Variants in SLC44A3 observed in about 807,000 individuals in gnomAD.
The protein encoded by SLC44A3 is solute carrier family 44 member 3.
SLC44A3 carries 74 observed loss-of-function variants against 75.4 expected under a neutral mutation model. The ratio of observed to expected loss-of-function variants is 0.98; its 90% CI spans 0.81 to 1.19. The LOEUF is 1.19. Ranked by LOEUF, SLC44A3 falls within the 50% of genes most tolerant of loss-of-function variation. SLC44A3 has a pLI of 0.00. For synonymous variants in SLC44A3, 310 were observed against 296.9 expected, an observed-to-expected ratio of 1.04 and a Z score of -0.45; for missense variants, 700 against 778.6, an observed-to-expected ratio of 0.90 and a Z score of 1.20.
chr1:94,860,101 T>C (rs956811072), intron 10 of SLC44A3, among the ~76,000 whole-genome samples: 3 of 151,884 alleles, frequency 2.0e-5, no homozygotes, highest in African/African-American at 7.3e-5. Context: ...GAGATCAAAA[T>C]GAACAAATAA....
intron 3 of SLC44A3, among the ~76,000 whole-genome samples, chr1:94,825,065 C>T (rs141915911): frequency 2.6e-5 from 4 of 152,124 alleles, no homozygotes; most frequent in African/African-American, 7.2e-5. Context: ...ATTGTTTCTA[C>T]GTGGAAATAC....
At chr1:94,825,516 A>G (rs1022910231) in intron 3 of SLC44A3, among the ~76,000 whole-genome samples, 2 of 151,978 alleles carry the variant, frequency 1.3e-5, no homozygotes, top group Non-Finnish European at 2.9e-5. Context: ...TTTTTAGTAG[A>G]GACGGGGTTT....
At chr1:94,850,311 A>C (rs895274807) in intron 9 of SLC44A3, among the ~76,000 whole-genome samples, 6 of 152,188 alleles carry the variant, frequency 3.9e-5, no homozygotes, top group African/African-American at 1.4e-4. Context: ...CTAAAATCCA[A>C]TAGGAAAAAG....
intron 9 of SLC44A3, among the ~76,000 whole-genome samples, chr1:94,853,862 A>AT (rs34191139): frequency 0.62 from 89,646 of 145,612 alleles, 27,722 homozygotes; most frequent in East Asian, 0.84. Context: ...CCTCTCTCTG[A>AT]TTTTTTTTTT....
At chr1:94,830,151 G>A in intron 5 of SLC44A3, among the ~76,000 whole-genome samples, 1 of 152,190 alleles carries the variant, frequency 6.6e-6, no homozygotes, top group East Asian at 1.9e-4. Flanking sequence ...AATACTCCAT[G>A]TTGTAAGTAA....
chr1:94,834,947 G>C (rs943204512), intron 5 of SLC44A3, among the ~76,000 whole-genome samples: 3 of 152,166 alleles, frequency 2.0e-5, no homozygotes, highest in Admixed American at 6.5e-5. Flanking sequence ...AGGTGATCAA[G>C]GTCAACTTCA....
chr1:94,868,944 G>C (rs1011762903), intron 12 of SLC44A3, among the ~76,000 whole-genome samples: 5 of 152,368 alleles, frequency 3.3e-5, no homozygotes, highest in African/African-American at 7.2e-5. Flanking sequence ...CATTAGGAGG[G>C]CAGAGAAATG....
intron 12 of SLC44A3, among the ~76,000 whole-genome samples, chr1:94,878,902 A>G (rs1409194819): frequency 2.0e-5 from 3 of 152,202 alleles, no homozygotes; most frequent in African/African-American, 7.2e-5. Context: ...ATGAAGTGGG[A>G]CCCTTACCTT....
chr1:94,870,680 G>A (rs1045307206), intron 12 of SLC44A3, among the ~76,000 whole-genome samples: 11 of 152,056 alleles, frequency 7.2e-5, no homozygotes, highest in African/African-American at 1.2e-4. Context: ...TTTTGTTTTC[G>A]TTTTTGTTTT....
chr1:94,851,055 A>G (rs942064278), intron 9 of SLC44A3, among the ~76,000 whole-genome samples: 2 of 152,210 alleles, frequency 1.3e-5, no homozygotes, highest in South Asian at 2.1e-4. Flanking sequence ...CTCCATGCAC[A>G]TCCCCATACC....
intron 12 of SLC44A3, among the ~76,000 whole-genome samples, chr1:94,885,991 G>T (rs1480541472): frequency 6.6e-6 from 1 of 152,168 alleles, no homozygotes. Flanking sequence ...CATCCACCGA[G>T]GTGGGGGTGG....
chr1:94,861,956 G>C (rs1666631785), intron 10 of SLC44A3, among the ~76,000 whole-genome samples: 1 of 152,136 alleles, frequency 6.6e-6, no homozygotes, highest in Non-Finnish European at 1.5e-5. Flanking sequence ...ATACAAAAGA[G>C]GGTTTCCAGC....
At chr1:94,884,177 C>T (rs1183536678) in intron 12 of SLC44A3, among the ~76,000 whole-genome samples, 2 of 152,206 alleles carry the variant, frequency 1.3e-5, no homozygotes, top group Admixed American at 6.5e-5. Context: ...TTCTTCCACC[C>T]CACCTCCCAC....
At chr1:94,820,533 C>G (rs550537991) in intron 1 of SLC44A3, 55 bp downstream of exon 1, 11 of 1,470,518 alleles carry the variant, frequency 7.5e-6, no homozygotes, top group East Asian at 2.7e-5. Context: ...AGGGTCGAGT[C>G]CCCCGCCTTC....
At chr1:94,881,500 C>T (rs6677235) in intron 12 of SLC44A3, among the ~76,000 whole-genome samples, 3,334 of 151,104 alleles carry the variant, frequency 0.022, 142 homozygotes, top group African/African-American at 0.078. Flanking sequence ...GTCAGGAGAT[C>T]AAGACCATCC....
At chr1:94,854,849 G>A (rs1665671726) in intron 9 of SLC44A3, among the ~76,000 whole-genome samples, 1 of 151,936 alleles carries the variant, frequency 6.6e-6, no homozygotes, top group African/African-American at 2.4e-5. Context: ...GGCGAGGCTT[G>A]TTGCTAACAC....
In SLC44A3 at chr1:94,857,450, G is replaced by A. The variant is rs150880125; in HGVS notation, c.1188G>A (p.Ala396=). Residue 396 remains alanine (A), a synonymous_variant, in exon 10 of 15, where the codon GCG becomes GCA. Coordinates refer to ENST00000271227, the MANE Select transcript of SLC44A3 (RefSeq NM_001114106.3). Reference sequence around the variant, plus strand: ...TCTGGACTAGTGAATTCATCCTTGCGTGCCAGCAAATGACTATAGCTGGGG... The same window carrying A: ...TCTGGACTAGTGAATTCATCCTTGCATGCCAGCAAATGACTATAGCTGGGG... ...GLIWTSEFIL[A]CQQMTIAGAV... The A allele has an allele frequency of 9.3e-5, 150 of 1,613,902 alleles. 1 individual carries two copies. The highest frequency in any genetic ancestry group is 5.0e-4 in the Middle Eastern group (3 of 6,050).
intron 9 of SLC44A3, among the ~76,000 whole-genome samples, chr1:94,850,330 G>A (rs1665051127): frequency 1.3e-5 from 2 of 152,168 alleles, no homozygotes; most frequent in South Asian, 4.1e-4. Context: ...AGTGAAAACT[G>A]TGGTAACCTT....
Position 94,845,323 on chromosome 1 carries a change from T to C in SLC44A3, c.931T>C (p.Leu311=). The C allele has an allele frequency of 6.2e-7, 1 of 1,613,692 alleles. No homozygotes were observed. Among genetic ancestry groups the C allele is most frequent in the Non-Finnish European group, 8.5e-7 (1 of 1,179,862 alleles). The change falls in exon 9 of 15, where the codon TTG becomes CTG. Residue 311 remains leucine, a synonymous_variant. Transcript: ENST00000271227. ...LIFVLRKRIK[L]TVELFQITNK... Reference sequence around the variant, plus strand: ...TTTTGTTCTCAGAAAGAGAATAAAATTGACAGTTGAGCTTTTCCAAATCAC... The same window carrying C: ...TTTTGTTCTCAGAAAGAGAATAAAACTGACAGTTGAGCTTTTCCAAATCAC...
Sources: gnomAD v4.1 joint callset for allele counts (sites outside exome capture counted in the v4.1 genomes callset) on GRCh38, gnomAD v4.1.1 for gene constraint, MANE v1.5 for transcripts, NCBI Gene and HGNC (gene_info 2026-07-23, HGNC 2026-07-21) for gene names.